CEP295: variants seen among roughly 807,000 people sequenced by gnomAD.
CEP295 encodes centrosomal protein 295, also known as centrosomal protein of 295 kDa.
A neutral mutation model predicts 291.6 loss-of-function variants in CEP295; 190 were observed. The observed-to-expected ratio is 0.65, with a 90% CI of 0.58 to 0.73. CEP295 has a LOEUF of 0.73. CEP295 is among the 30% of genes least tolerant of loss of function. The pLI, the probability that CEP295 is intolerant of heterozygous loss-of-function variation, is 0.00. For synonymous variants in CEP295, 993 were observed against 1,038.8 expected (o/e 0.96, Z 0.85); for missense variants, 2,863 against 2,949.4 (o/e 0.97, Z 0.68).
chr11:93,696,573 C>T (rs1380117227), intron 14 of CEP295, 109 bp from the exon 15 acceptor site: 2 of 1,129,912 alleles, frequency 1.8e-6, no homozygotes, highest in African/African-American at 1.6e-5. Flanking sequence ...TTTCTTTTCA[C>T]CATGAGTATT....
intron 20 of CEP295, 98 bp from the exon 21 acceptor site, chr11:93,722,943 C>A: frequency 1.1e-6 from 1 of 889,922 alleles, no homozygotes. Flanking sequence ...CTCTTGACCT[C>A]GTGATCCACC....
chr11:93,675,361 G>A lies in CEP295; in HGVS notation c.529-210G>A, dbSNP rs1346682321. 2.0e-5 allele frequency among the ~76,000 whole-genome samples: 3 copies of A among 152,206 alleles called. No homozygotes were observed. The East Asian group carries it at 5.8e-4, about 29-fold the overall frequency. On this transcript the variant is annotated intron_variant, in intron 5 of 29. Transcript: ENST00000325212. ...AAACACATTTAGTTAGCGACACCTT[G>A]AAGATGATTTGAAATACTGATGAAT... is the stretch of plus-strand genomic sequence containing the variant.
At chr11:93,710,132 G>A (rs1952802040) in intron 18 of CEP295, among the ~76,000 whole-genome samples, 1 of 152,012 alleles carries the variant, frequency 6.6e-6, no homozygotes, top group South Asian at 2.1e-4. Flanking sequence ...CTTGTCTTGT[G>A]CGATTGCTCT....
Position 93,698,582 on chromosome 11 carries a change from A to G in CEP295, c.3670A>G (p.Lys1224Glu). ...GAGATTCCAGGAATGTATATCAATCAAGAGTGACAGTACCATTCCCTTAAG... is the reference window on the plus strand; with the variant it reads ...GAGATTCCAGGAATGTATATCAATCGAGAGTGACAGTACCATTCCCTTAAG... ...SERFQECISI[K>E]SDSTIPLSHP... The change falls in exon 15 of 30, where the codon AAG becomes GAG. Residue 1224 changes from lysine to glutamate, a missense_variant. By Grantham distance (56) the Lys-to-Glu change is moderately conservative (BLOSUM62 1). Coordinates refer to ENST00000325212, the MANE Select transcript of CEP295 (RefSeq NM_033395.2). The G allele has an allele frequency of 6.4e-7, 1 of 1,552,102 alleles. No homozygotes were observed.
intron 18 of CEP295, 129 bp from the exon 19 acceptor site, chr11:93,721,183 T>G: frequency 1.6e-6 from 1 of 628,736 alleles, no homozygotes. Flanking sequence ...ACAAGACAAC[T>G]TTAAGAAGCA....
At chr11:93,714,857 C>T (rs1335840053) in intron 18 of CEP295, among the ~76,000 whole-genome samples, 3 of 152,090 alleles carry the variant, frequency 2.0e-5, no homozygotes, top group African/African-American at 7.2e-5. Context: ...CTCTCTCTCT[C>T]TCTCTGTGCT....
At chr11:93,679,864 G>T (rs1414173236) in intron 7 of CEP295, among the ~76,000 whole-genome samples, 2 of 152,170 alleles carry the variant, frequency 1.3e-5, no homozygotes, top group African/African-American at 2.4e-5. Context: ...TAGCATATGT[G>T]CTCTATAAAT....
At chr11:93,722,108 A>G (rs570307816) in intron 20 of CEP295, 58 bp downstream of exon 20, 2 of 957,660 alleles carry the variant, frequency 2.1e-6, no homozygotes, top group African/African-American at 1.6e-5. Flanking sequence ...TTGAGTTGCA[A>G]TACAGTGATG....
rs1159854347 is a variant in CEP295 at position 93,698,413 on chromosome 11, A to C, written c.3501A>C (p.Gln1167His). The change falls in exon 15 of 30, where the codon CAA becomes CAC. Residue 1167 changes from glutamine (Q) to histidine (H), a missense_variant. This residue lies in a region of CEP295 where 2,295 missense variants were observed against 2,335.7 expected (regional missense o/e 0.98). Transcript: ENST00000325212. ...AGCAAGAAAATTTGACAATACTCCA[A>C]GAACAGTCACAAATACAAAGGGTAA... The part of the protein sequence containing the change: ...LAQQENLTIL[Q>H]EQSQIQRVIL... 1 of 1,552,186 alleles carries C rather than the reference A, an allele frequency of 6.4e-7. No homozygotes were observed. Among genetic ancestry groups the C allele is most frequent in the Non-Finnish European group, 8.7e-7 (1 of 1,147,088 alleles).
chr11:93,704,510 G>A (rs1443692701), intron 17 of CEP295, among the ~76,000 whole-genome samples: 2 of 152,094 alleles, frequency 1.3e-5, no homozygotes, highest in African/African-American at 4.8e-5. Flanking sequence ...AGCCCAGGGG[G>A]TTGAGACTGC....
intron 12 of CEP295, 86 bp downstream of exon 12, chr11:93,692,116 T>C (rs1052047316): frequency 7.1e-6 from 5 of 708,832 alleles, no homozygotes; most frequent in African/African-American, 1.8e-5. Context: ...TTTGTCTTAA[T>C]GTCTGGCTAA....
chr11:93,703,032 C>T, intron 17 of CEP295, 113 bp downstream of exon 17: 2 of 843,880 alleles, frequency 2.4e-6, no homozygotes, highest in Non-Finnish European at 3.5e-6. Flanking sequence ...GGTGTGATCT[C>T]AGCTCACTGA....
chr11:93,711,910 A>G (rs1407483838), intron 18 of CEP295, among the ~76,000 whole-genome samples: 1 of 151,446 alleles, frequency 6.6e-6, no homozygotes, highest in Non-Finnish European at 1.5e-5. Flanking sequence ...GCTGAGGAGA[A>G]GAATATGTAT....
intron 7 of CEP295, 83 bp from the exon 8 acceptor site, chr11:93,683,476 T>TCA: frequency 9.9e-7 from 1 of 1,006,882 alleles, no homozygotes; most frequent in East Asian, 2.8e-5. Flanking sequence ...ACCCTGATCC[T>TCA]CATTTCCCCT....
At position 93,730,291 on chromosome 11, in the gene CEP295, GTTTT is replaced by G. The variant is rs1565233694; in HGVS notation, c.*25_*28del. On this transcript the variant is annotated 3_prime_UTR_variant, in exon 30 of 30. Transcript: ENST00000325212. Reference sequence around the variant, plus strand: ...CTGACTTTCTAGAAATAGTGTAAAGGTTTTTTAATTGTGTATATGTAGCATTAGA... The same window carrying G: ...CTGACTTTCTAGAAATAGTGTAAAGGTTAATTGTGTATATGTAGCATTAGA... The G allele has an allele frequency of 6.7e-7, 1 of 1,500,632 alleles. No individual in the cohort carries two copies. The highest frequency in any genetic ancestry group is 2.0e-5 in the Admixed American group (1 of 50,756). 93.0% of individuals were successfully genotyped at this position (1,500,632 alleles called of 1,614,324 possible).
chr11:93,714,831 G>C (rs916784741), intron 18 of CEP295, among the ~76,000 whole-genome samples: 1 of 151,170 alleles, frequency 6.6e-6, no homozygotes, highest in Non-Finnish European at 1.5e-5. Context: ...CAAACAAATA[G>C]AGTCAGTCAG....
chr11:93,689,400 T>C (rs775231335), intron 10 of CEP295, among the ~76,000 whole-genome samples: 14 of 152,210 alleles, frequency 9.2e-5, no homozygotes, highest in Non-Finnish European at 1.8e-4. Flanking sequence ...TTCTGCACTG[T>C]AGATGCCAGC....
At position 93,666,686 on chromosome 11, in the gene CEP295, G is replaced by T; in HGVS notation, c.-22G>T. 2 of 1,230,032 alleles carry T rather than the reference G, an allele frequency of 1.6e-6. No individual in the cohort carries two copies. Among genetic ancestry groups the T allele is most frequent in the South Asian group, 1.4e-5 (1 of 73,550 alleles). The allele number at this position is 1,230,032 out of a possible 1,614,324, so 76.2% of individuals were successfully genotyped here. A position where few individuals can be genotyped will look rare whatever the true frequency, so the allele number is the denominator to read the frequency against. Reference sequence around the variant, plus strand: ...CATTTTCCTTTTTGAATTCAGAACTGTCATACATAAAGTACACAGAAATGA... The same window carrying T: ...CATTTTCCTTTTTGAATTCAGAACTTTCATACATAAAGTACACAGAAATGA... On this transcript the variant is annotated 5_prime_UTR_variant, in exon 2 of 30. Transcript: ENST00000325212.
rs117609524 is a variant in CEP295 at position 93,703,675 on chromosome 11, G to A, written c.5596+756G>A. On this transcript the variant is annotated intron_variant, in intron 17 of 29. Coordinates refer to ENST00000325212, the MANE Select transcript of CEP295 (RefSeq NM_033395.2). The stretch of plus-strand genomic sequence containing the variant: ...TATAGGATTATTATGCTTAAATCCT[G>A]GCTTTGTGGTCAATTAGATATATTT... Among the ~76,000 whole-genome samples the A allele has an allele frequency of 2.8e-4, 42 of 149,506 alleles. 1 individual carries two copies. In the East Asian group the frequency reaches 7.8e-3, roughly 28 times the overall value.
Sources: allele counts gnomAD v4.1 joint callset (sites outside exome capture counted in the v4.1 genomes callset), GRCh38; gene constraint gnomAD v4.1.1; regional missense constraint gnomAD v4.1.1; transcripts MANE v1.5; gene names NCBI Gene and HGNC (gene_info 2026-07-23, HGNC 2026-07-21).